GOLM2: variants seen among roughly 807,000 people sequenced by gnomAD.
GOLM2 encodes the protein golgi membrane protein 2.
GOLM2 carries 26 observed loss-of-function variants against 55.9 expected under a neutral mutation model. That is an observed-to-expected ratio of 0.47 (90% CI 0.34 to 0.65). GOLM2 has a LOEUF of 0.65. GOLM2 is among the 30% of genes least tolerant of loss of function. The pLI is 0.01. For missense variants in GOLM2, 486 were observed against 531.8 expected (o/e 0.91, Z 0.85); for synonymous variants, 165 against 194.6 (o/e 0.85, Z 1.27).
intron 6 of GOLM2, among the ~76,000 whole-genome samples, chr15:44,371,603 T>C (rs2079329847): frequency 6.6e-6 from 1 of 152,368 alleles, no homozygotes; most frequent in Non-Finnish European, 1.5e-5. Flanking sequence ...ATCGTTGTTT[T>C]GTATTTAATG....
At chr15:44,412,922 G>C (rs1194772967) in intron 9 of GOLM2, among the ~76,000 whole-genome samples, 2 of 151,490 alleles carry the variant, frequency 1.3e-5, no homozygotes, top group Non-Finnish European at 2.9e-5. Context: ...AGAATCGCTT[G>C]ATCCTGGGAG....
intron 8 of GOLM2, among the ~76,000 whole-genome samples, chr15:44,382,920 CAAAAA>C (rs748415327): frequency 1.7e-5 from 1 of 57,648 alleles, no homozygotes. Context: ...GAGACTCTGT[CAAAAA>C]AAAAAAAAAA....
At chr15:44,317,586 G>C (rs1347534632) in intron 1 of GOLM2, among the ~76,000 whole-genome samples, 2 of 151,994 alleles carry the variant, frequency 1.3e-5, no homozygotes, top group African/African-American at 4.8e-5. Context: ...GTTGGTGTCA[G>C]GTTTTTTTTG....
chr15:44,330,231 A>T (rs1398068611), intron 3 of GOLM2, among the ~76,000 whole-genome samples: 1 of 145,656 alleles, frequency 6.9e-6, no homozygotes, highest in Admixed American at 6.8e-5. Flanking sequence ...AAAAAAAAAA[A>T]GCTGAGTGCA....
At chr15:44,403,086 C>T (rs2141215417) in intron 9 of GOLM2, 32 bp downstream of exon 9, 1 of 1,611,916 alleles carries the variant, frequency 6.2e-7, no homozygotes, top group Admixed American at 1.7e-5. Flanking sequence ...ATGCTATAAC[C>T]ATGAAACCCA....
intron 8 of GOLM2, among the ~76,000 whole-genome samples, chr15:44,382,909 C>T (rs1180979127): frequency 6.0e-5 from 8 of 133,976 alleles, no homozygotes; most frequent in Admixed American, 8.2e-5. Context: ...GGCAACAGAG[C>T]GAGACTCTGT....
intron 9 of GOLM2, among the ~76,000 whole-genome samples, chr15:44,413,054 T>G (rs2079649059): frequency 6.6e-6 from 1 of 152,118 alleles, no homozygotes; most frequent in African/African-American, 2.4e-5. Context: ...CCTCAATATT[T>G]GTGCGTTCCT....
intron 1 of GOLM2, among the ~76,000 whole-genome samples, chr15:44,309,407 A>G (rs923294428): frequency 3.3e-5 from 5 of 152,216 alleles, no homozygotes; most frequent in African/African-American, 1.2e-4. Flanking sequence ...AGCATATCAA[A>G]TCATCAAATT....
chr15:44,371,728 A>G (rs531301048), intron 6 of GOLM2, among the ~76,000 whole-genome samples: 2 of 152,346 alleles, frequency 1.3e-5, no homozygotes, highest in Non-Finnish European at 2.9e-5. Context: ...AATATTCATC[A>G]GGACTCTGAA....
intron 6 of GOLM2, among the ~76,000 whole-genome samples, chr15:44,342,229 C>G (rs1257051093): frequency 6.6e-6 from 1 of 151,514 alleles, no homozygotes; most frequent in Non-Finnish European, 1.5e-5. Context: ...TATTAAAGGC[C>G]TTCCTCTGGA....
intron 9 of GOLM2, among the ~76,000 whole-genome samples, chr15:44,410,609 G>A (rs2079631693): frequency 6.6e-6 from 1 of 151,772 alleles, no homozygotes; most frequent in Non-Finnish European, 1.5e-5. Context: ...TTAAGAATAT[G>A]GGGTAGGCTG....
At chr15:44,397,869 C>T (rs1003166683) in intron 8 of GOLM2, among the ~76,000 whole-genome samples, 1 of 152,188 alleles carries the variant, frequency 6.6e-6, no homozygotes, top group Non-Finnish European at 1.5e-5. Flanking sequence ...ATATAGGTAG[C>T]ATTAATTATA....
chr15:44,290,908 A>G (rs997474946), intron 1 of GOLM2, among the ~76,000 whole-genome samples: 6 of 152,118 alleles, frequency 3.9e-5, no homozygotes, highest in African/African-American at 1.4e-4. Flanking sequence ...GGTTCAAGCA[A>G]TTCTCCTGCT....
At position 44,340,013 on chromosome 15, in the gene GOLM2, G is replaced by C. The variant is rs1174916953; in HGVS notation, c.802+1696G>C. Among the ~76,000 whole-genome samples the C allele has an allele frequency of 2.6e-5, 4 of 151,546 alleles. No homozygotes were observed. The East Asian group carries it at 7.8e-4, about 30-fold the overall frequency. ...TTTTATAGTTTTTTTGTAGAGATAA[G>C]TTTTCACCGTGTTGCCCAAGCTGGT... On this transcript the variant is annotated intron_variant, in intron 6 of 9. Coordinates refer to ENST00000299957, the MANE Select transcript of GOLM2 (RefSeq NM_138423.4).
chr15:44,357,284 TAGC>T (rs2141167084), intron 6 of GOLM2, among the ~76,000 whole-genome samples: 1 of 152,238 alleles, frequency 6.6e-6, no homozygotes, highest in Non-Finnish European at 1.5e-5. Context: ...TTCATCGTAT[TAGC>T]AGGCTAAAAA....
chr15:44,354,766 C>A, intron 6 of GOLM2: 1 of 200,102 alleles, frequency 5.0e-6, no homozygotes, highest in Non-Finnish European at 1.1e-5. Flanking sequence ...GCTTTTAACT[C>A]TGGCAAAGTG....
chr15:44,288,941 G>A lies in GOLM2; in HGVS notation c.-89G>A. On this transcript the variant is annotated 5_prime_UTR_variant, in exon 1 of 10. In the 5' UTR this introduces an upstream ATG that the reference lacks. Transcript: ENST00000299957. ...TCCTCCCTCGGCCGGCCCTGGGGCCGTGTCCGCCGGGCAACTCCAGCCGAG... is the reference window on the plus strand; with the variant it reads ...TCCTCCCTCGGCCGGCCCTGGGGCCATGTCCGCCGGGCAACTCCAGCCGAG... The A allele has an allele frequency of 7.8e-7, 1 of 1,277,032 alleles. No individual in the cohort carries two copies. The allele number at this position is 1,277,032 out of a possible 1,614,324, so 79.1% of individuals were successfully genotyped here. A position where few individuals can be genotyped will look rare whatever the true frequency, so the allele number is the denominator to read the frequency against.
intron 1 of GOLM2, among the ~76,000 whole-genome samples, chr15:44,309,966 C>T (rs2078862263): frequency 6.6e-6 from 1 of 152,032 alleles, no homozygotes; most frequent in Non-Finnish European, 1.5e-5. Context: ...TCACTGCAAC[C>T]TCCGCCTCCT....
intron 6 of GOLM2, among the ~76,000 whole-genome samples, chr15:44,373,284 C>T (rs1334947824): frequency 3.4e-5 from 5 of 145,506 alleles, no homozygotes; most frequent in Non-Finnish European, 6.1e-5. Context: ...GGTGAAACCC[C>T]GTCTCTACTA....
Sources: allele counts gnomAD v4.1 joint callset (sites outside exome capture counted in the v4.1 genomes callset), GRCh38; gene constraint gnomAD v4.1.1; transcripts MANE v1.5; gene names NCBI Gene and HGNC (gene_info 2026-07-23, HGNC 2026-07-21).